SART3: variants seen among roughly 807,000 people sequenced by gnomAD.
SART3 encodes HIV-1 Tat-interacting protein of 110kDa.
In SART3, 44 loss-of-function variants were observed where a neutral mutation model predicts 122.3. The ratio of observed to expected loss-of-function variants is 0.36; its 90% CI spans 0.28 to 0.46. The LOEUF is 0.46. Ranked by LOEUF, SART3 falls within the 20% of genes least tolerant of loss-of-function variation. The probability of loss-of-function intolerance (pLI) is 1.00; values close to 1 mark genes in which losing one functional copy is unlikely to be tolerated. For synonymous variants in SART3, 442 were observed against 454.0 expected, an observed-to-expected ratio of 0.97 and a Z score of 0.34; for missense variants, 1,101 against 1,229.0, an observed-to-expected ratio of 0.90 and a Z score of 1.56.
Position 108,523,217 on chromosome 12 carries a change from C to T in SART3, c.*240G>A. ...TTTAAGATACAAAACTATCTCAGGA[C>T]ACCACATCCTGGGCCCAGCCTGCAG... On this transcript the variant is annotated 3_prime_UTR_variant, in exon 19 of 19. Transcript: ENST00000546815. The T allele has an allele frequency of 1.7e-6, 1 of 590,746 alleles. No homozygotes were observed. The highest frequency in any genetic ancestry group is 3.0e-6 in the Non-Finnish European group (1 of 330,642). 36.6% of individuals were successfully genotyped at this position (590,746 alleles called of 1,614,324 possible). A position where few individuals can be genotyped will look rare whatever the true frequency, so the allele number is the denominator to read the frequency against.
At chr12:108,555,075 A>C (rs1204435135) in intron 1 of SART3, among the ~76,000 whole-genome samples, 1 of 152,210 alleles carries the variant, frequency 6.6e-6, no homozygotes, top group African/African-American at 2.4e-5. Flanking sequence ...AAGGAGAAGG[A>C]GAGCTGTTTA....
chr12:108,561,149 C>G lies in SART3; in HGVS notation c.6G>C (p.Ala2=). 1 of 1,613,220 alleles carries G rather than the reference C, an allele frequency of 6.2e-7. No homozygotes were observed. Among genetic ancestry groups the G allele is most frequent in the Non-Finnish European group, 8.5e-7 (1 of 1,179,202 alleles). Residue 2 remains alanine (A), a synonymous_variant, in exon 1 of 19, where the codon GCG becomes GCC. Transcript: ENST00000546815. The part of the protein sequence containing the change: M[A]TAAETSASEP... ...CTGAAGCCGAGGTTTCGGCCGCAGT[C>G]GCCATCTTGCGCTTCTAATGACTCT...
rs759176819 is a variant in SART3 at position 108,531,285 on chromosome 12, A to G, written c.1670-5T>C. The G allele has an allele frequency of 1.2e-6, 2 of 1,612,170 alleles. No homozygotes were observed. The highest frequency in any genetic ancestry group is 1.7e-6 in the Non-Finnish European group (2 of 1,178,330). ...TATCCCAATCTTCTAAAGAACCTTGAAAGAAAGAGAAGCAAAACTTTCACT... is the reference window on the plus strand; with the variant it reads ...TATCCCAATCTTCTAAAGAACCTTGGAAGAAAGAGAAGCAAAACTTTCACT... On this transcript the variant is annotated splice_region_variant and splice_polypyrimidine_tract_variant and intron_variant, in intron 13 of 18. Coordinates refer to ENST00000546815, the MANE Select transcript of SART3 (RefSeq NM_014706.4).
intron 11 of SART3, 82 bp from the exon 12 acceptor site, chr12:108,535,550 A>T (rs767901042): frequency 1.1e-5 from 12 of 1,125,452 alleles, no homozygotes; most frequent in Non-Finnish European, 1.4e-5. Context: ...CAACAGACAC[A>T]CATAAAAAGC....
intron 17 of SART3, 127 bp from the exon 18 acceptor site, chr12:108,524,633 A>G (rs2136659505): frequency 1.3e-6 from 1 of 784,088 alleles, no homozygotes; most frequent in Non-Finnish European, 2.2e-6. Context: ...CGACCCACCA[A>G]CAGGTTACCT....
chr12:108,537,761 C>T (rs1280547789), intron 8 of SART3, 166 bp from the exon 9 acceptor site: 2 of 692,960 alleles, frequency 2.9e-6, no homozygotes, highest in East Asian at 5.4e-5. Flanking sequence ...TGCTACAGCA[C>T]TCTACAGACT....
intron 6 of SART3, among the ~76,000 whole-genome samples, chr12:108,541,551 T>C (rs1264326706): frequency 6.6e-6 from 1 of 152,162 alleles, no homozygotes; most frequent in African/African-American, 2.4e-5. Context: ...ACTTTTTTTT[T>C]TGAGACGGAG....
chr12:108,549,164 C>A lies in SART3; in HGVS notation c.363G>T (p.Leu121=), dbSNP rs772076459. Residue 121 remains leucine, a synonymous_variant, in exon 2 of 19, where the codon CTG becomes CTT. Coordinates refer to ENST00000546815, the MANE Select transcript of SART3 (RefSeq NM_014706.4). ...DYNCHVDLIR[L]LRLEGELTKV... Reference sequence around the variant, plus strand: ...TGGTAAGCTCCCCTTCCAGCCTGAGCAGTCTGATCAAGTCCACATGGCAGT... The same window carrying A: ...TGGTAAGCTCCCCTTCCAGCCTGAGAAGTCTGATCAAGTCCACATGGCAGT... The A allele has an allele frequency of 1.2e-6, 2 of 1,614,214 alleles. No individual in the cohort carries two copies. Among genetic ancestry groups the A allele is most frequent in the East Asian group, 4.5e-5 (2 of 44,884 alleles).
At chr12:108,556,315 C>T (rs1423095124) in intron 1 of SART3, among the ~76,000 whole-genome samples, 1 of 152,164 alleles carries the variant, frequency 6.6e-6, no homozygotes, top group Non-Finnish European at 1.5e-5. Flanking sequence ...CCAGTCTGGT[C>T]TCAAACTCCT....
At chr12:108,541,348 C>T (rs1458721603) in intron 6 of SART3, among the ~76,000 whole-genome samples, 2 of 151,778 alleles carry the variant, frequency 1.3e-5, no homozygotes, top group African/African-American at 4.8e-5. Flanking sequence ...GCGGAAGTTG[C>T]AGTGAGCCGA....
At chr12:108,560,487 G>A (rs535917891) in intron 1 of SART3, 9 of 389,208 alleles carry the variant, frequency 2.3e-5, no homozygotes, top group East Asian at 7.4e-5. Context: ...TTCTACTGTT[G>A]GACGTGTGGT....
Position 108,548,008 on chromosome 12 carries a change from C to T in SART3, c.440-17G>A, listed in dbSNP as rs1002779686. On this transcript the variant is annotated splice_polypyrimidine_tract_variant and intron_variant, in intron 2 of 18. Coordinates refer to ENST00000546815, the MANE Select transcript of SART3 (RefSeq NM_014706.4). The stretch of plus-strand genomic sequence containing the variant: ...GCCAGAGCTCTACGAGACAAAAATA[C>T]TTCCCGCATTAATACCAAAGGGTAG... The T allele has an allele frequency of 1.2e-6, 2 of 1,603,982 alleles. No individual in the cohort carries two copies. The highest frequency in any genetic ancestry group is 1.3e-5 in the African/African-American group (1 of 74,804).
intron 15 of SART3, among the ~76,000 whole-genome samples, chr12:108,526,966 C>T (rs1872416309): frequency 6.6e-6 from 1 of 152,192 alleles, no homozygotes; most frequent in Non-Finnish European, 1.5e-5. Flanking sequence ...CCAGGGAGCA[C>T]ATTTTGGAAA....
rs752265070 is a variant in SART3 at position 108,525,502 on chromosome 12, G to T, written c.2478C>A (p.Thr826=). Residue 826 remains threonine (T), a synonymous_variant, in exon 17 of 19, where the codon ACC becomes ACA. Transcript: ENST00000546815. ...ELEEICKAHG[T]VKDLRLVTNR... ...TGGTGACCAGCCTGAGGTCCTTCAC[G>T]GTGCCATGAGCCTTACAGATTTCTT... The T allele has an allele frequency of 1.2e-6, 2 of 1,614,128 alleles. No individual in the cohort carries two copies. Among genetic ancestry groups the T allele is most frequent in the Middle Eastern group, 1.7e-4 (1 of 6,058 alleles).
chr12:108,544,648 C>A, intron 4 of SART3, 170 bp from the exon 5 acceptor site: 1 of 859,346 alleles, frequency 1.2e-6, no homozygotes, highest in South Asian at 1.4e-5. Context: ...CTCACTACAG[C>A]CTCACACTCC....
At chr12:108,541,570 T>C (rs1873161719) in intron 6 of SART3, among the ~76,000 whole-genome samples, 1 of 152,018 alleles carries the variant, frequency 6.6e-6, no homozygotes, top group Admixed American at 6.5e-5. Flanking sequence ...AGTCTCACAC[T>C]GTTGCCCAGG....
intron 1 of SART3, chr12:108,549,439 G>C (rs932652163): frequency 3.9e-6 from 2 of 515,390 alleles, no homozygotes; most frequent in African/African-American, 3.9e-5. Context: ...TACAGTTCCT[G>C]TTAGAAGACA....
At chr12:108,548,024 CAAAG>C (rs750993290) in intron 2 of SART3, 33 bp from the exon 3 acceptor site, 64 of 1,570,372 alleles carry the variant, frequency 4.1e-5, no homozygotes, top group Non-Finnish European at 5.2e-5. Flanking sequence ...GCATTAATAC[CAAAG>C]GGTAGGCTAA....
chr12:108,533,270 CAAGT>C (rs375007783), intron 12 of SART3, among the ~76,000 whole-genome samples: 294 of 150,790 alleles, frequency 1.9e-3, no homozygotes, highest in African/African-American at 6.7e-3. Flanking sequence ...AGACAGTGCA[CAAGT>C]AATGGTGGCC....
Sources: gnomAD v4.1 joint callset for allele counts (sites outside exome capture counted in the v4.1 genomes callset) on GRCh38, gnomAD v4.1.1 for gene constraint, MANE v1.5 for transcripts, NCBI Gene and HGNC (gene_info 2026-07-23, HGNC 2026-07-21) for gene names.